The following COMMD1 variants were observed in gnomAD, a reference collection of about 807,000 sequenced individuals.
COMMD1 encodes copper metabolism domain containing 1.
Under a neutral mutation model 17.2 loss-of-function variants are expected in COMMD1, and 10 were observed. The observed-to-expected ratio is 0.58, with a 90% CI of 0.36 to 0.99. The LOEUF (loss-of-function observed/expected upper bound fraction) is 0.99. Ranked by LOEUF, COMMD1 falls within the 50% of genes least tolerant of loss-of-function variation. The probability of loss-of-function intolerance (pLI) is 0.01; values close to 1 mark genes in which losing one functional copy is unlikely to be tolerated. For missense variants in COMMD1, 270 were observed against 231.8 expected (o/e 1.17, Z -1.07); for synonymous variants, 97 against 91.6 (o/e 1.06, Z -0.34).
chr2:61,931,704 G>A (rs1242633813), intron 1 of COMMD1, among the ~76,000 whole-genome samples: 1 of 152,176 alleles, frequency 6.6e-6, no homozygotes, highest in Non-Finnish European at 1.5e-5. Context: ...GGCTTTGAGG[G>A]GGTGAACAGC....
intron 1 of COMMD1, among the ~76,000 whole-genome samples, chr2:61,937,115 C>T (rs1246305056): frequency 6.6e-6 from 1 of 152,122 alleles, no homozygotes; most frequent in Non-Finnish European, 1.5e-5. Flanking sequence ...TTGTAGACAG[C>T]AAGGTTTTAT....
At chr2:62,115,493 G>A (rs1233944611) in intron 2 of COMMD1, among the ~76,000 whole-genome samples, 2 of 152,224 alleles carry the variant, frequency 1.3e-5, no homozygotes, top group African/African-American at 4.8e-5. Context: ...ATAATAGTGT[G>A]AGTAAAAGAT....
At chr2:61,889,588 GA>G (rs1477834745) in intron 1 of COMMD1, among the ~76,000 whole-genome samples, 1 of 152,124 alleles carries the variant, frequency 6.6e-6, no homozygotes, top group East Asian at 1.9e-4. Context: ...TAAGGGATAT[GA>G]CTGAGTCTGT....
intron 2 of COMMD1, among the ~76,000 whole-genome samples, chr2:62,079,434 A>G (rs763556001): frequency 9.2e-5 from 14 of 152,138 alleles, no homozygotes; most frequent in Non-Finnish European, 1.8e-4. Flanking sequence ...ATATATTGGG[A>G]TATTAGGACA....
chr2:61,889,288 C>CCT (rs1669355943), intron 1 of COMMD1, among the ~76,000 whole-genome samples: 1 of 145,630 alleles, frequency 6.9e-6, no homozygotes, highest in South Asian at 2.2e-4. Context: ...CTCACTGCAG[C>CCT]CTCGACCTCC....
At chr2:61,927,884 C>A (rs567506452) in intron 1 of COMMD1, among the ~76,000 whole-genome samples, 1 of 152,184 alleles carries the variant, frequency 6.6e-6, no homozygotes, top group South Asian at 2.1e-4. Context: ...CCTGTCTCCG[C>A]CTCTCGAGTA....
At chr2:61,891,981 A>G (rs1355444939) in intron 1 of COMMD1, among the ~76,000 whole-genome samples, 2 of 150,980 alleles carry the variant, frequency 1.3e-5, no homozygotes, top group Admixed American at 6.6e-5. Flanking sequence ...ACAGGCGCCC[A>G]CCACCAAGCC....
intron 1 of COMMD1, among the ~76,000 whole-genome samples, chr2:61,922,865 A>G (rs1670234416): frequency 6.6e-6 from 1 of 152,264 alleles, no homozygotes; most frequent in Non-Finnish European, 1.5e-5. Context: ...GATTATCCAT[A>G]GAACCACCAT....
chr2:62,091,009 G>A (rs755942577), intron 2 of COMMD1, among the ~76,000 whole-genome samples: 12 of 152,182 alleles, frequency 7.9e-5, no homozygotes, highest in Admixed American at 1.3e-4. Flanking sequence ...CTCCATAAGC[G>A]TGGTGGACCA....
At chr2:61,939,122 T>G (rs1162601511) in intron 1 of COMMD1, among the ~76,000 whole-genome samples, 2 of 152,124 alleles carry the variant, frequency 1.3e-5, no homozygotes, top group Admixed American at 1.3e-4. Context: ...TTAGGCTTAT[T>G]ATACTTTGCC....
At chr2:61,968,940 T>C in intron 1 of COMMD1, 1 of 311,690 alleles carries the variant, frequency 3.2e-6, no homozygotes. Context: ...AAATCTTTAT[T>C]TAGTCTTTTT....
At chr2:61,922,660 C>T (rs1670229576) in intron 1 of COMMD1, among the ~76,000 whole-genome samples, 1 of 152,170 alleles carries the variant, frequency 6.6e-6, no homozygotes, top group African/African-American at 2.4e-5. Context: ...AGGTTTATTT[C>T]TTTCCCCTTA....
intron 1 of COMMD1, among the ~76,000 whole-genome samples, chr2:61,951,146 T>C (rs1239827885): frequency 6.6e-6 from 1 of 151,774 alleles, no homozygotes; most frequent in Non-Finnish European, 1.5e-5. Flanking sequence ...CAGAGGGAAG[T>C]TGGATAAGGG....
intron 2 of COMMD1, among the ~76,000 whole-genome samples, chr2:62,082,500 C>T (rs764327421): frequency 1.3e-5 from 2 of 152,164 alleles, no homozygotes; most frequent in Non-Finnish European, 2.9e-5. Flanking sequence ...CTCCCAGCGA[C>T]GTTGGAAGCT....
At chr2:61,913,147 T>C (rs571653119) in intron 1 of COMMD1, among the ~76,000 whole-genome samples, 152 of 152,108 alleles carry the variant, frequency 1.0e-3, no homozygotes, top group South Asian at 5.0e-3. Flanking sequence ...GGTGGGTGGA[T>C]TGTGAGGCCA....
intron 1 of COMMD1, among the ~76,000 whole-genome samples, chr2:61,954,542 A>G (rs1671143212): frequency 6.6e-6 from 1 of 152,274 alleles, no homozygotes; most frequent in African/African-American, 2.4e-5. Flanking sequence ...AAGTTAATCT[A>G]TAATGAAGAT....
chr2:61,888,609 C>T (rs1202659629), upstream of COMMD1: 22 of 1,379,886 alleles, frequency 1.6e-5, no homozygotes, highest in South Asian at 2.1e-4. Context: ...CCTTCACGAA[C>T]CTTCCAGAAA....
intron 1 of COMMD1, among the ~76,000 whole-genome samples, chr2:61,974,614 G>A (rs943646974): frequency 9.6e-5 from 14 of 145,946 alleles, no homozygotes; most frequent in Non-Finnish European, 1.3e-4. Flanking sequence ...AGAGGTTGCA[G>A]CAAGCTGAGA....
At chr2:62,119,588 T>TTA (rs1229946846) in intron 2 of COMMD1, among the ~76,000 whole-genome samples, 1 of 152,222 alleles carries the variant, frequency 6.6e-6, no homozygotes, top group African/African-American at 2.4e-5. Context: ...TTTATTTGCT[T>TTA]TCTCTAGAGA....
Sources: allele counts gnomAD v4.1 joint callset (sites outside exome capture counted in the v4.1 genomes callset), GRCh38; gene constraint gnomAD v4.1.1; transcripts MANE v1.5; gene names NCBI Gene and HGNC (gene_info 2026-07-23, HGNC 2026-07-21).